PPFIA2: variants seen among roughly 807,000 people sequenced by gnomAD.
PPFIA2 encodes the protein liprin-alpha-2.
Under a neutral mutation model 175.5 loss-of-function variants are expected in PPFIA2, and 46 were observed. The ratio of observed to expected loss-of-function variants is 0.26; its 90% CI spans 0.21 to 0.34. The LOEUF (loss-of-function observed/expected upper bound fraction) is 0.34, where lower values mean the gene tolerates loss of function less well. Among genes scored for constraint, PPFIA2 ranks in the 10% least tolerant of loss-of-function variants. The probability of loss-of-function intolerance (pLI) is 1.00; values close to 1 mark genes in which losing one functional copy is unlikely to be tolerated. For synonymous variants in PPFIA2, 568 were observed against 511.4 expected (o/e 1.11, Z -1.49); for missense variants, 1,179 against 1,506.1 (o/e 0.78, Z 3.60).
At chr12:81,266,064 A>T in intron 30 of PPFIA2, among the ~76,000 whole-genome samples, 1 of 152,310 alleles carries the variant, frequency 6.6e-6, no homozygotes, top group South Asian at 2.1e-4. Flanking sequence ...ACCATAAAGG[A>T]CAGAGTGGAT....
At chr12:81,736,982 G>A (rs931640674) in intron 3 of PPFIA2, among the ~76,000 whole-genome samples, 3 of 151,914 alleles carry the variant, frequency 2.0e-5, no homozygotes, top group Admixed American at 6.6e-5. Flanking sequence ...TACATTTATC[G>A]TGCTTATTAA....
At chr12:81,519,956 G>A (rs971811764) in intron 4 of PPFIA2, among the ~76,000 whole-genome samples, 1 of 152,068 alleles carries the variant, frequency 6.6e-6, no homozygotes, top group East Asian at 1.9e-4. Context: ...AAATAAAATA[G>A]GACAATTATA....
intron 4 of PPFIA2, among the ~76,000 whole-genome samples, chr12:81,491,904 A>G (rs1025900088): frequency 2.0e-5 from 3 of 152,024 alleles, no homozygotes; most frequent in African/African-American, 7.2e-5. Context: ...CTGCTGTTCA[A>G]TTTAGCCTCA....
intron 14 of PPFIA2, among the ~76,000 whole-genome samples, chr12:81,365,327 A>ATC (rs2032820012): frequency 6.6e-6 from 1 of 151,772 alleles, no homozygotes; most frequent in African/African-American, 2.4e-5. Flanking sequence ...TGCCCATCTA[A>ATC]ATGGGATGAT....
At chr12:81,271,261 T>C (rs2039014000) in intron 28 of PPFIA2, among the ~76,000 whole-genome samples, 1 of 152,046 alleles carries the variant, frequency 6.6e-6, no homozygotes, top group Non-Finnish European at 1.5e-5. Context: ...TACCACTCCA[T>C]TAGCTTTCTT....
At chr12:81,359,260 G>A (rs1433446976) in intron 15 of PPFIA2, among the ~76,000 whole-genome samples, 4 of 151,962 alleles carry the variant, frequency 2.6e-5, no homozygotes, top group African/African-American at 9.7e-5. Context: ...TTAAAAAGGG[G>A]AGGTGAGGTT....
intron 6 of PPFIA2, 31 bp from the exon 7 acceptor site, chr12:81,440,077 T>C (rs1162108349): frequency 6.0e-6 from 9 of 1,490,614 alleles, no homozygotes; most frequent in African/African-American, 4.2e-5. Flanking sequence ...TGTGCAGTAA[T>C]GTACATCCCA....
At chr12:81,309,793 T>C (rs927500297) in intron 22 of PPFIA2, among the ~76,000 whole-genome samples, 3 of 152,062 alleles carry the variant, frequency 2.0e-5, no homozygotes, top group Non-Finnish European at 2.9e-5. Context: ...GCGAGTTATG[T>C]AATCTCCTTC....
intron 4 of PPFIA2, among the ~76,000 whole-genome samples, chr12:81,629,426 G>A: frequency 6.6e-6 from 1 of 152,000 alleles, no homozygotes. Flanking sequence ...GGGGTTGGGG[G>A]AGGGCTGGAT....
chr12:81,295,106 A>T (rs1344330964), intron 23 of PPFIA2, 71 bp from the exon 24 acceptor site: 13 of 1,405,360 alleles, frequency 9.3e-6, no homozygotes, highest in Non-Finnish European at 1.3e-5. Context: ...ATATGCTAGG[A>T]ATTATTTTAT....
intron 19 of PPFIA2, among the ~76,000 whole-genome samples, chr12:81,342,951 TAATA>T (rs2058399001): frequency 7.1e-4 from 2 of 2,804 alleles, no homozygotes; most frequent in Non-Finnish European, 6.5e-3. Context: ...TAAAGTATAA[TAATA>T]ATAATAATAA....
chr12:81,402,663 G>A (rs563634441), intron 8 of PPFIA2, among the ~76,000 whole-genome samples: 30 of 152,206 alleles, frequency 2.0e-4, no homozygotes, highest in African/African-American at 7.2e-4. Flanking sequence ...AGACCAGCCT[G>A]GTCAACATGA....
chr12:81,538,838 G>A (rs538213910), intron 4 of PPFIA2, among the ~76,000 whole-genome samples: 2 of 152,000 alleles, frequency 1.3e-5, no homozygotes, highest in East Asian at 3.9e-4. Flanking sequence ...AGTAAGACAG[G>A]TAGTCTGGAG....
intron 4 of PPFIA2, among the ~76,000 whole-genome samples, chr12:81,638,908 C>T (rs1458923133): frequency 1.3e-5 from 2 of 151,324 alleles, no homozygotes; most frequent in Non-Finnish European, 2.9e-5. Flanking sequence ...GGGATGGTCT[C>T]GATCTCCTGA....
At chr12:81,286,210 A>G (rs748857764) in intron 24 of PPFIA2, among the ~76,000 whole-genome samples, 1 of 152,092 alleles carries the variant, frequency 6.6e-6, no homozygotes, top group Non-Finnish European at 1.5e-5. Context: ...AAGAGTCAAA[A>G]GTTAACAAAA....
chr12:81,644,066 A>G (rs939049768), intron 4 of PPFIA2, among the ~76,000 whole-genome samples: 1 of 152,048 alleles, frequency 6.6e-6, no homozygotes, highest in African/African-American at 2.4e-5. Context: ...ATAAAATGTT[A>G]TGTGCATTAA....
chr12:81,564,143 GTAT>G (rs2070801047), intron 4 of PPFIA2, among the ~76,000 whole-genome samples: 4 of 152,102 alleles, frequency 2.6e-5, no homozygotes, highest in East Asian at 1.9e-4. Context: ...TATTTTGAAT[GTAT>G]TATTAATTCT....
chr12:81,339,883 C>T (rs1010446547), intron 20 of PPFIA2, among the ~76,000 whole-genome samples: 6 of 151,986 alleles, frequency 3.9e-5, no homozygotes, highest in African/African-American at 1.2e-4. Flanking sequence ...CATGTATCCT[C>T]GTGATCAATG....
intron 4 of PPFIA2, among the ~76,000 whole-genome samples, chr12:81,613,376 A>G (rs2061125983): frequency 6.6e-6 from 1 of 152,148 alleles, no homozygotes; most frequent in Non-Finnish European, 1.5e-5. Context: ...TTGAACTTCA[A>G]CTTGCACACG....
Sources: gnomAD v4.1 joint callset for allele counts (sites outside exome capture counted in the v4.1 genomes callset) on GRCh38, gnomAD v4.1.1 for gene constraint, MANE v1.5 for transcripts, NCBI Gene and HGNC (gene_info 2026-07-23, HGNC 2026-07-21) for gene names.